The following PABPC4L variants were observed in gnomAD, a reference collection of about 807,000 sequenced individuals.
The protein encoded by PABPC4L is poly(A) binding protein cytoplasmic 4 like, also known as polyadenylate-binding protein 4-like.
For synonymous variants in PABPC4L, 169 were observed against 164.1 expected, an observed-to-expected ratio of 1.03 and a Z score of -0.23; for missense variants, 452 against 451.4, an observed-to-expected ratio of 1.00 and a Z score of -0.01.
At chr4:133,996,771 G>C in the PABPC4L span, among the ~76,000 whole-genome samples, 1 of 152,110 alleles carries the variant, frequency 6.6e-6, no homozygotes, top group Admixed American at 6.5e-5. Context: ...CAATGACAGT[G>C]CAGCAGCAGC....
chr4:134,108,456 C>T, the PABPC4L span, among the ~76,000 whole-genome samples: 1 of 151,836 alleles, frequency 6.6e-6, no homozygotes, highest in Non-Finnish European at 1.5e-5. Context: ...TTGGGTCTGA[C>T]ATTACTTACA....
chr4:134,072,104 A>G, the PABPC4L span, among the ~76,000 whole-genome samples: 1 of 152,170 alleles, frequency 6.6e-6, no homozygotes, highest in Non-Finnish European at 1.5e-5. Context: ...GAAAAAAAAA[A>G]TGTGATTTCT....
At chr4:134,080,002 A>G in the PABPC4L span, among the ~76,000 whole-genome samples, 1 of 151,902 alleles carries the variant, frequency 6.6e-6, no homozygotes, top group Non-Finnish European at 1.5e-5. Flanking sequence ...CTATTTTTTT[A>G]TTATAAATTA....
the PABPC4L span, among the ~76,000 whole-genome samples, chr4:134,048,527 G>T: frequency 6.6e-6 from 1 of 152,114 alleles, no homozygotes; most frequent in Non-Finnish European, 1.5e-5. Context: ...GAGGGTAGAA[G>T]AAACTCTATA....
the PABPC4L span, among the ~76,000 whole-genome samples, chr4:134,122,399 T>TA: frequency 6.6e-6 from 1 of 151,944 alleles, no homozygotes; most frequent in Non-Finnish European, 1.5e-5. Context: ...GCAATATGCT[T>TA]ATTAATCATT....
the PABPC4L span, among the ~76,000 whole-genome samples, chr4:134,002,447 A>G: frequency 1.3e-5 from 2 of 152,000 alleles, no homozygotes; most frequent in Non-Finnish European, 2.9e-5. Flanking sequence ...CTAATACAAG[A>G]TTAAAAGGGA....
chr4:134,006,278 G>A, the PABPC4L span, among the ~76,000 whole-genome samples: 1 of 151,590 alleles, frequency 6.6e-6, no homozygotes, highest in Non-Finnish European at 1.5e-5. Context: ...TTTTAAGCTA[G>A]TATTGTATGT....
At chr4:134,087,550 T>C in the PABPC4L span, among the ~76,000 whole-genome samples, 6 of 152,164 alleles carry the variant, frequency 3.9e-5, no homozygotes, top group African/African-American at 1.4e-4. Flanking sequence ...CCAGTTGTGC[T>C]GCAGACCAGT....
At chr4:134,162,921 C>T in the PABPC4L span, among the ~76,000 whole-genome samples, 1 of 152,006 alleles carries the variant, frequency 6.6e-6, no homozygotes, top group Non-Finnish European at 1.5e-5. Flanking sequence ...CTGAAAAGAT[C>T]ACAAATTGGC....
the PABPC4L span, among the ~76,000 whole-genome samples, chr4:134,025,610 T>A: frequency 1.3e-5 from 2 of 152,112 alleles, no homozygotes; most frequent in Non-Finnish European, 1.5e-5. Context: ...CACATATTTA[T>A]TTTCTTAAGG....
the PABPC4L span, among the ~76,000 whole-genome samples, chr4:133,982,744 G>T: frequency 6.6e-6 from 1 of 151,822 alleles, no homozygotes; most frequent in Non-Finnish European, 1.5e-5. Flanking sequence ...ATTTGTAATT[G>T]TGGCTTTATG....
the PABPC4L span, among the ~76,000 whole-genome samples, chr4:134,158,586 A>G: frequency 2.0e-5 from 3 of 152,250 alleles, 1 homozygote; most frequent in South Asian, 6.2e-4. Context: ...AAAAGGCTGA[A>G]TATCAGTCTT....
chr4:134,183,414 T>C, the PABPC4L span, among the ~76,000 whole-genome samples: 9 of 151,186 alleles, frequency 6.0e-5, no homozygotes, highest in African/African-American at 1.9e-4. Context: ...TTTGAGTACA[T>C]ATGGACACAA....
At chr4:134,053,899 C>T in the PABPC4L span, among the ~76,000 whole-genome samples, 1 of 151,880 alleles carries the variant, frequency 6.6e-6, no homozygotes, top group Non-Finnish European at 1.5e-5. Context: ...GGTCCTGATG[C>T]TTCTTCCTCA....
In PABPC4L at chr4:134,196,598, A is replaced by G. The variant is rs1213333669; in HGVS notation, c.*3309T>C. On this transcript the variant is annotated 3_prime_UTR_variant, in exon 2 of 2. Coordinates refer to ENST00000421491, the MANE Select transcript of PABPC4L (RefSeq NM_001114734.2). ...AGAAACAGTGGCTCAAGGCATATCT[A>G]TGTACATTAGCTTTTACTGGAATGC... The G allele has an allele frequency of 6.6e-6, 1 of 151,742 alleles. No homozygotes were observed. Among genetic ancestry groups the G allele is most frequent in the Non-Finnish European group, 1.5e-5 (1 of 67,660 alleles). The allele number at this position is 151,742 out of a possible 1,614,324, so 9.4% of individuals were successfully genotyped here.
At chr4:134,070,748 A>G in the PABPC4L span, among the ~76,000 whole-genome samples, 1 of 152,170 alleles carries the variant, frequency 6.6e-6, no homozygotes, top group Non-Finnish European at 1.5e-5. Context: ...TCTGCTGGCA[A>G]AAGAGCTACC....
the PABPC4L span, among the ~76,000 whole-genome samples, chr4:134,104,577 T>C: frequency 6.6e-6 from 1 of 151,686 alleles, no homozygotes; most frequent in African/African-American, 2.4e-5. Context: ...CCAACTTGGT[T>C]GGTTAAACAC....
chr4:134,120,984 T>C, the PABPC4L span, among the ~76,000 whole-genome samples: 1 of 151,398 alleles, frequency 6.6e-6, no homozygotes, highest in African/African-American at 2.4e-5. Flanking sequence ...CATATTCTTT[T>C]TAGTGCTTTA....
chr4:134,022,924 A>C, the PABPC4L span, among the ~76,000 whole-genome samples: 1 of 152,028 alleles, frequency 6.6e-6, no homozygotes, highest in Non-Finnish European at 1.5e-5. Context: ...AAGATTTGAT[A>C]TTAATTAATT....
Sources: allele counts gnomAD v4.1 joint callset (sites outside exome capture counted in the v4.1 genomes callset), GRCh38; gene constraint gnomAD v4.1.1; transcripts MANE v1.5; gene names NCBI Gene and HGNC (gene_info 2026-07-23, HGNC 2026-07-21).